Variants in TMEM163 observed in about 807,000 individuals in gnomAD.
TMEM163 encodes the protein transmembrane protein 163.
TMEM163 carries 17 observed loss-of-function variants against 29.3 expected under a neutral mutation model. The ratio of observed to expected loss-of-function variants is 0.58; its 90% CI spans 0.40 to 0.87. The LOEUF is 0.87. Ranked by LOEUF, TMEM163 falls within the 40% of genes least tolerant of loss-of-function variation. The pLI, the probability that TMEM163 is intolerant of heterozygous loss-of-function variation, is 0.00. For missense variants in TMEM163, 303 were observed against 381.5 expected (o/e 0.79, Z 1.71); for synonymous variants, 157 against 160.6 (o/e 0.98, Z 0.17).
At chr2:134,566,690 C>A (rs896079256) in intron 2 of TMEM163, among the ~76,000 whole-genome samples, 4 of 152,148 alleles carry the variant, frequency 2.6e-5, no homozygotes, top group South Asian at 4.1e-4. Flanking sequence ...GTAAGATATA[C>A]ATTATTTGCA....
At position 134,456,462 on chromosome 2, in the gene TMEM163, CT is replaced by C; in HGVS notation, c.*253del. On this transcript the variant is annotated 3_prime_UTR_variant, in exon 8 of 8. Transcript: ENST00000281924. ...CATGAGAACCATCATACTCCAGAGA[CT>C]AAAAAACGCCAGTCCCAGCTGGAGA... 2.0e-6 allele frequency: 1 copy of C among 496,652 alleles called. No individual in the cohort carries two copies. Among genetic ancestry groups the C allele is most frequent in the South Asian group, 2.3e-5 (1 of 44,208 alleles). The allele number at this position is 496,652 out of a possible 1,614,324, so 30.8% of individuals were successfully genotyped here. A position where few individuals can be genotyped will look rare whatever the true frequency, so the allele number is the denominator to read the frequency against.
intron 2 of TMEM163, among the ~76,000 whole-genome samples, chr2:134,561,734 C>A (rs1028300486): frequency 6.6e-6 from 1 of 152,168 alleles, no homozygotes; most frequent in African/African-American, 2.4e-5. Context: ...GGGAGGCAGG[C>A]CTGGTCAGGT....
At chr2:134,555,794 T>C (rs1341281600) in intron 2 of TMEM163, among the ~76,000 whole-genome samples, 1 of 152,202 alleles carries the variant, frequency 6.6e-6, no homozygotes, top group South Asian at 2.1e-4. Flanking sequence ...AGATGTGTCA[T>C]TTGGGGCCAG....
chr2:134,527,085 C>T (rs1167429048), intron 4 of TMEM163, among the ~76,000 whole-genome samples: 1 of 152,118 alleles, frequency 6.6e-6, no homozygotes, highest in Admixed American at 6.5e-5. Context: ...AATGAAATCT[C>T]CCATATTTCT....
intron 1 of TMEM163, among the ~76,000 whole-genome samples, chr2:134,715,203 T>G (rs1274744653): frequency 6.6e-6 from 1 of 152,250 alleles, no homozygotes; most frequent in African/African-American, 2.4e-5. Flanking sequence ...CATTTTCTCT[T>G]CAGCCGCATA....
intron 2 of TMEM163, among the ~76,000 whole-genome samples, chr2:134,685,948 C>T (rs774749395): frequency 1.3e-5 from 2 of 152,158 alleles, no homozygotes; most frequent in Non-Finnish European, 2.9e-5. Flanking sequence ...CACACACCAA[C>T]AAATGTCTAG....
Position 134,525,995 on chromosome 2 carries a change from G to A in TMEM163, c.459-22998C>T, listed in dbSNP as rs114936970. Among the ~76,000 whole-genome samples the A allele has an allele frequency of 5.9e-3, 892 of 152,346 alleles. 10 individuals are homozygous for A. The highest frequency in any genetic ancestry group is 0.021 in the African/African-American group (858 of 41,580). On this transcript the variant is annotated intron_variant, in intron 4 of 7. Coordinates refer to ENST00000281924, the MANE Select transcript of TMEM163 (RefSeq NM_030923.5). ...ATTTGTTCATCAGGCTGTTGGAAGG[G>A]ATTTCAGCAGAGGGTATAGAGAACA... is the stretch of plus-strand genomic sequence containing the variant.
chr2:134,514,366 C>T (rs372519658), intron 4 of TMEM163, among the ~76,000 whole-genome samples: 1 of 146,534 alleles, frequency 6.8e-6, no homozygotes, highest in Non-Finnish European at 1.5e-5. Flanking sequence ...ATAAAATACA[C>T]TAACGATACT....
chr2:134,704,570 G>C (rs1382344223), intron 2 of TMEM163, among the ~76,000 whole-genome samples: 1 of 152,112 alleles, frequency 6.6e-6, no homozygotes, highest in Admixed American at 6.5e-5. Context: ...GTCTCCCTTA[G>C]TCCCTCGCCC....
intron 6 of TMEM163, among the ~76,000 whole-genome samples, chr2:134,465,180 C>T: frequency 9.3e-6 from 1 of 106,990 alleles, no homozygotes; most frequent in African/African-American, 6.4e-5. Flanking sequence ...CATGGTGAGT[C>T]CGCATCTTTA....
chr2:134,504,998 G>T (rs964436656), intron 4 of TMEM163, among the ~76,000 whole-genome samples: 1 of 152,146 alleles, frequency 6.6e-6, no homozygotes, highest in South Asian at 2.1e-4. Flanking sequence ...CTGTGCCAGG[G>T]ACCTGGAGTA....
At chr2:134,564,389 G>C (rs1467169077) in intron 2 of TMEM163, among the ~76,000 whole-genome samples, 2 of 152,162 alleles carry the variant, frequency 1.3e-5, no homozygotes, top group Non-Finnish European at 2.9e-5. Context: ...CTGTCGATGA[G>C]CTGTAGATAT....
chr2:134,564,102 T>C (rs1256340244), intron 2 of TMEM163, among the ~76,000 whole-genome samples: 1 of 151,984 alleles, frequency 6.6e-6, no homozygotes, highest in Admixed American at 6.6e-5. Context: ...AGACAACCGT[T>C]AACAACCACA....
intron 5 of TMEM163, among the ~76,000 whole-genome samples, chr2:134,497,411 A>T (rs1223986581): frequency 1.3e-5 from 2 of 152,196 alleles, no homozygotes; most frequent in African/African-American, 2.4e-5. Context: ...GATAATCAGC[A>T]TTATTGCCAC....
At chr2:134,583,092 C>T (rs891818145) in intron 2 of TMEM163, among the ~76,000 whole-genome samples, 1 of 152,220 alleles carries the variant, frequency 6.6e-6, no homozygotes, top group African/African-American at 2.4e-5. Flanking sequence ...GTCCTGTGGA[C>T]AGAGAACGGT....
intron 2 of TMEM163, among the ~76,000 whole-genome samples, chr2:134,558,954 T>C (rs970112717): frequency 2.6e-5 from 4 of 152,178 alleles, no homozygotes; most frequent in South Asian, 2.1e-4. Flanking sequence ...AGCCATGTAA[T>C]TAACTCAAAT....
chr2:134,685,271 T>C (rs1684329184), intron 2 of TMEM163, among the ~76,000 whole-genome samples: 1 of 152,198 alleles, frequency 6.6e-6, no homozygotes, highest in African/African-American at 2.4e-5. Flanking sequence ...TGCTCTAGAT[T>C]TCCACTATAA....
chr2:134,584,636 T>TA (rs34838986), intron 2 of TMEM163, among the ~76,000 whole-genome samples: 40,729 of 126,810 alleles, frequency 0.32, 7,100 homozygotes, highest in Middle Eastern at 0.66. Flanking sequence ...AAATTTCTAG[T>TA]AAAAAAAAAA....
chr2:134,503,598 C>G (rs1250262974), intron 4 of TMEM163, among the ~76,000 whole-genome samples: 1 of 152,148 alleles, frequency 6.6e-6, no homozygotes, highest in East Asian at 1.9e-4. Context: ...TTTGCATTTT[C>G]CCAATGATGA....
Sources: gnomAD v4.1 joint callset for allele counts (sites outside exome capture counted in the v4.1 genomes callset) on GRCh38, gnomAD v4.1.1 for gene constraint, MANE v1.5 for transcripts, NCBI Gene and HGNC (gene_info 2026-07-23, HGNC 2026-07-21) for gene names.